Variants in IGSF10 observed in about 807,000 individuals in gnomAD.
The protein encoded by IGSF10 is calvaria mechanical force protein 608.
IGSF10 carries 126 observed loss-of-function variants against 128.2 expected under a neutral mutation model. The ratio of observed to expected loss-of-function variants is 0.98; its 90% confidence interval spans 0.85 to 1.14. The LOEUF (loss-of-function observed/expected upper bound fraction) is 1.14, where lower values mean the gene tolerates loss of function less well. Ranked by LOEUF, IGSF10 falls within the 50% of genes most tolerant of loss-of-function variation. The pLI is 0.00. For missense variants in IGSF10, 3,295 were observed against 3,149.8 expected, an observed-to-expected ratio of 1.05 and a Z score of -1.10; for synonymous variants, 1,185 against 1,146.2, an observed-to-expected ratio of 1.03 and a Z score of -0.68.
Position 151,438,157 on chromosome 3 carries a change from G to T in IGSF10, c.6404C>A (p.Thr2135Lys), listed in dbSNP as rs1299897320. 1 of 1,614,184 alleles carries T rather than the reference G, an allele frequency of 6.2e-7. No homozygotes were observed. The highest frequency in any genetic ancestry group is 2.2e-5 in the East Asian group (1 of 44,882). The change falls in exon 8 of 8, where the codon ACA becomes AAA. Residue 2135 changes from threonine (T) to lysine (K), a missense_variant. By Grantham distance (78) the Thr-to-Lys change is moderately conservative. Transcript: ENST00000282466. ...LGKDEMKVHLTVITAAPRIRQ... is the reference protein window; with the variant it reads ...LGKDEMKVHLKVITAAPRIRQ... ...TATCCGGGGAGCAGCTGTTATAACT[G>T]TTAAGTGGACCTTCATTTCATCTTT...
At chr3:151,588,202 C>A in the IGSF10 span, among the ~76,000 whole-genome samples, 6 of 152,248 alleles carry the variant, frequency 3.9e-5, no homozygotes, top group Admixed American at 6.5e-5. Context: ...GAGACAGATG[C>A]ATGAAAAGGA....
At position 151,453,402 on chromosome 3, in the gene IGSF10, A is replaced by G. The variant is rs1485720511; in HGVS notation, c.697T>C (p.Trp233Arg). The part of the protein sequence containing the change: ...CDCHLKWLSD[W>R]IQEKPDVIKC... ...TAGATACCTGGCTTCTCCTGTATCC[A>G]GTCAGACAACCACTTTAAATGGCAA... The change falls in exon 5 of 8, where the codon TGG becomes CGG. Residue 233 changes from tryptophan (W) to arginine (R), a missense_variant. By Grantham distance (101) the Trp-to-Arg change is moderately radical. Coordinates refer to ENST00000282466, the MANE Select transcript of IGSF10 (RefSeq NM_178822.5). 1 of 1,600,408 alleles carries G rather than the reference A, an allele frequency of 6.2e-7. No individual in the cohort carries two copies. The highest frequency in any genetic ancestry group is 1.8e-5 in the Admixed American group (1 of 56,380).
chr3:151,488,814 A>T, the IGSF10 span, among the ~76,000 whole-genome samples: 1 of 152,216 alleles, frequency 6.6e-6, no homozygotes, highest in African/African-American at 2.4e-5. Flanking sequence ...ACCTTATACA[A>T]AAAGTAACTC....
rs1276229578 is a variant in IGSF10, at chr3:151,436,802, G to A, written c.7759C>T (p.Gln2587Ter). 6.2e-7 allele frequency: 1 copy of A among 1,614,024 alleles called. No homozygotes were observed. The highest frequency in any genetic ancestry group is 1.7e-5 in the Admixed American group (1 of 60,006). The change falls in exon 8 of 8, where the codon CAA becomes TAA. Residue 2587 changes from glutamine to a stop codon, truncating the protein, a stop_gained. Transcript: ENST00000282466. LOFTEE classifies it low-confidence loss of function (END_TRUNC). ...RTHGSEQLHL[Q>*]GTLVIQNPQT... ...GGATTCTGAATGACTAGGGTACCTT[G>A]TAAGTGAAGCTGCTCACTTCCATGT...
intron 7 of IGSF10, among the ~76,000 whole-genome samples, chr3:151,442,055 C>T (rs546921096): frequency 2.5e-4 from 38 of 152,178 alleles, no homozygotes; most frequent in Admixed American, 7.2e-4. Context: ...TGCGAGACTC[C>T]GTCTCAAAAA....
the IGSF10 span, among the ~76,000 whole-genome samples, chr3:151,574,714 C>A: frequency 6.6e-6 from 1 of 152,244 alleles, no homozygotes; most frequent in African/African-American, 2.4e-5. Context: ...CTGAAGCCTA[C>A]TTCTGTCAGC....
At chr3:151,559,858 G>A in the IGSF10 span, among the ~76,000 whole-genome samples, 2 of 152,098 alleles carry the variant, frequency 1.3e-5, no homozygotes, top group Admixed American at 1.3e-4. Context: ...CTTAGGGGGT[G>A]GAGCAGTTCC....
the IGSF10 span, among the ~76,000 whole-genome samples, chr3:151,572,932 T>C: frequency 2.0e-5 from 3 of 152,236 alleles, no homozygotes; most frequent in African/African-American, 4.8e-5. Context: ...GTTGTGTCTT[T>C]GTTCTCATTG....
intron 6 of IGSF10, among the ~76,000 whole-genome samples, chr3:151,444,622 A>G (rs1721075593): frequency 6.6e-6 from 1 of 152,108 alleles, no homozygotes; most frequent in Non-Finnish European, 1.5e-5. Context: ...GGATTTTTTT[A>G]TTCACATAAT....
the IGSF10 span, among the ~76,000 whole-genome samples, chr3:151,486,211 A>G: frequency 6.6e-6 from 1 of 152,182 alleles, no homozygotes; most frequent in Non-Finnish European, 1.5e-5. Flanking sequence ...CAAAAACCAA[A>G]AGAGACAAAG....
At chr3:151,433,709 C>A (rs1490207985), downstream of IGSF10, 1 of 152,616 alleles carries the variant, frequency 6.6e-6, no homozygotes, top group Non-Finnish European at 1.5e-5. Flanking sequence ...TTCCAGTGCT[C>A]ACACTTGACA....
chr3:151,617,266 T>TTCTTCTTCA, the IGSF10 span, among the ~76,000 whole-genome samples: 1 of 50,792 alleles, frequency 2.0e-5, no homozygotes, highest in Non-Finnish European at 4.1e-5. Context: ...CCTTCTCTTC[T>TTCTTCTTCA]TCTTCTTCTT....
the IGSF10 span, among the ~76,000 whole-genome samples, chr3:151,553,819 A>G: frequency 6.6e-6 from 1 of 151,830 alleles, no homozygotes; most frequent in African/African-American, 2.4e-5. Context: ...TTTTCATTAG[A>G]ATTTGCTTTT....
chr3:151,591,560 A>T, the IGSF10 span, among the ~76,000 whole-genome samples: 1 of 151,872 alleles, frequency 6.6e-6, no homozygotes, highest in Non-Finnish European at 1.5e-5. Context: ...AAAGGGAATC[A>T]TAAATAGAAA....
chr3:151,587,767 C>T, the IGSF10 span, among the ~76,000 whole-genome samples: 1 of 152,158 alleles, frequency 6.6e-6, no homozygotes, highest in Non-Finnish European at 1.5e-5. Context: ...GTCTTTCCTG[C>T]ACTGTTCTCA....
chr3:151,600,397 C>A, the IGSF10 span, among the ~76,000 whole-genome samples: 2 of 152,126 alleles, frequency 1.3e-5, no homozygotes, highest in African/African-American at 4.8e-5. Context: ...TTCATGTCTA[C>A]ACGTATTATT....
chr3:151,510,305 T>C, the IGSF10 span, among the ~76,000 whole-genome samples: 1 of 152,110 alleles, frequency 6.6e-6, no homozygotes, highest in South Asian at 2.1e-4. Flanking sequence ...GGCAGCAGCA[T>C]TTGCAGCTCA....
At chr3:151,615,333 A>G in the IGSF10 span, among the ~76,000 whole-genome samples, 1 of 152,168 alleles carries the variant, frequency 6.6e-6, no homozygotes, top group Non-Finnish European at 1.5e-5. Flanking sequence ...TTCTTAAACA[A>G]TTTTTATATT....
chr3:151,619,886 G>C, the IGSF10 span, among the ~76,000 whole-genome samples: 5 of 152,240 alleles, frequency 3.3e-5, no homozygotes, highest in African/African-American at 9.6e-5. Context: ...CAGTTTGGCT[G>C]TCTCTCTAAG....
Sources: allele counts gnomAD v4.1 joint callset (sites outside exome capture counted in the v4.1 genomes callset), GRCh38; gene constraint gnomAD v4.1.1; transcripts MANE v1.5; gene names NCBI Gene and HGNC (gene_info 2026-07-23, HGNC 2026-07-21).